SBF2: variants seen among roughly 807,000 people sequenced by gnomAD.
The protein encoded by SBF2 is myotubularin-related protein 13.
Under a neutral mutation model 225.2 loss-of-function variants are expected in SBF2, and 112 were observed. The observed-to-expected ratio is 0.50, with a 90% CI of 0.43 to 0.58. The LOEUF (loss-of-function observed/expected upper bound fraction) is 0.58, where lower values mean the gene tolerates loss of function less well. SBF2 is among the 20% of genes least tolerant of loss of function. The pLI is 0.00. For missense variants in SBF2, 1,996 were observed against 2,206.2 expected (o/e 0.90, Z 1.91); for synonymous variants, 763 against 773.3 (o/e 0.99, Z 0.22).
At position 9,994,519 on chromosome 11, in the gene SBF2, T is replaced by G. The variant is rs67132348; in HGVS notation, c.976-521A>C. Among the ~76,000 whole-genome samples the G allele has an allele frequency of 1.4e-3, 201 of 145,816 alleles. 3 individuals are homozygous for G. Among genetic ancestry groups the G allele is most frequent in the African/African-American group, 4.9e-3 (193 of 39,666 alleles). On this transcript the variant is annotated intron_variant, in intron 9 of 39. Transcript: ENST00000256190. ...AAAACATGTTCTAGAAAAATACACA[T>G]AGTATGGCCTAATTTATTTGAAAAT...
In SBF2 at chr11:9,845,527, G is replaced by C. The variant is rs148447586; in HGVS notation, c.3110+38C>G. 115 of 1,577,016 alleles carry C rather than the reference G, an allele frequency of 7.3e-5. 1 individual carries two copies. The African/African-American group carries it at 1.3e-3, about 17-fold the overall frequency. ...GGTTACTCCTTTTGCAATCAATTAC[G>C]GGAGGGCTGAAATTAACAGACTTGT... On this transcript the variant is annotated intron_variant, in intron 24 of 39. Coordinates refer to ENST00000256190, the MANE Select transcript of SBF2 (RefSeq NM_030962.4).
chr11:9,896,366 T>G (rs1361098818), intron 16 of SBF2, among the ~76,000 whole-genome samples: 1 of 152,202 alleles, frequency 6.6e-6, no homozygotes, highest in East Asian at 1.9e-4. Flanking sequence ...TGGAGGAAGT[T>G]TTAGTATATT....
intron 2 of SBF2, among the ~76,000 whole-genome samples, chr11:10,067,568 C>G (rs1950673494): frequency 6.6e-6 from 1 of 151,658 alleles, no homozygotes; most frequent in South Asian, 2.1e-4. Context: ...AAAAACAAAA[C>G]AAAAAAATGC....
chr11:9,882,098 A>G (rs1279921014), intron 17 of SBF2, among the ~76,000 whole-genome samples: 2 of 152,236 alleles, frequency 1.3e-5, no homozygotes, highest in Non-Finnish European at 2.9e-5. Context: ...GCAATTCGGA[A>G]AACAGTTACT....
chr11:9,818,211 C>T (rs1854561230), intron 28 of SBF2, among the ~76,000 whole-genome samples: 1 of 152,178 alleles, frequency 6.6e-6, no homozygotes, highest in South Asian at 2.1e-4. Flanking sequence ...TCCCAAAGTG[C>T]TGGGATTACA....
chr11:10,033,701 C>T (rs1249090783), intron 3 of SBF2, among the ~76,000 whole-genome samples: 3 of 145,846 alleles, frequency 2.1e-5, no homozygotes, highest in Non-Finnish European at 4.6e-5. Flanking sequence ...ACAAATAAAC[C>T]CCAAATTTAT....
chr11:9,807,920 C>T (rs1853943929), intron 32 of SBF2, 80 bp downstream of exon 32: 4 of 1,268,732 alleles, frequency 3.2e-6, no homozygotes, highest in Non-Finnish European at 3.4e-6. Context: ...GTACCGGGCA[C>T]ACCATCGCAA....
At chr11:10,128,297 A>G (rs1009948851) in intron 2 of SBF2, among the ~76,000 whole-genome samples, 3 of 152,364 alleles carry the variant, frequency 2.0e-5, no homozygotes, top group Admixed American at 1.3e-4. Flanking sequence ...GAGAGCACCT[A>G]AACACAGAAG....
chr11:10,022,751 T>A (rs1948909429), intron 6 of SBF2, among the ~76,000 whole-genome samples: 1 of 152,140 alleles, frequency 6.6e-6, no homozygotes, highest in Non-Finnish European at 1.5e-5. Flanking sequence ...TATTAAAAAG[T>A]TGGATGTCTT....
intron 2 of SBF2, among the ~76,000 whole-genome samples, chr11:10,108,002 T>C (rs956557373): frequency 2.6e-5 from 4 of 152,156 alleles, no homozygotes; most frequent in African/African-American, 7.2e-5. Flanking sequence ...TCTAAGGTGA[T>C]AGATATATCC....
chr11:9,947,437 A>G (rs1190239169), intron 16 of SBF2, among the ~76,000 whole-genome samples: 2 of 152,232 alleles, frequency 1.3e-5, no homozygotes, highest in African/African-American at 4.8e-5. Flanking sequence ...AGCTAACAAG[A>G]CACACTGAGT....
chr11:10,132,678 T>C (rs1379906780), intron 2 of SBF2, among the ~76,000 whole-genome samples: 5 of 148,804 alleles, frequency 3.4e-5, no homozygotes, highest in African/African-American at 1.2e-4. Flanking sequence ...GCAAGATTTA[T>C]TGCAAAGAAC....
chr11:9,800,467 C>T (rs1311878766), intron 32 of SBF2, among the ~76,000 whole-genome samples: 1 of 151,958 alleles, frequency 6.6e-6, no homozygotes, highest in Middle Eastern at 3.4e-3. Context: ...AGTGCAGTGG[C>T]GCAGTCTCGG....
chr11:9,802,639 G>A (rs986627699), intron 32 of SBF2, among the ~76,000 whole-genome samples: 1 of 152,122 alleles, frequency 6.6e-6, no homozygotes, highest in Non-Finnish European at 1.5e-5. Flanking sequence ...GCACTAATTC[G>A]AATTATCTGG....
chr11:9,958,768 C>T (rs1002317869), intron 16 of SBF2: 74 of 476,280 alleles, frequency 1.6e-4, no homozygotes, highest in African/African-American at 9.8e-5. Flanking sequence ...GGCTCAACTC[C>T]GGTTTGAGAA....
At chr11:9,865,660 C>A (rs1239361833) in intron 17 of SBF2, among the ~76,000 whole-genome samples, 1 of 126,258 alleles carries the variant, frequency 7.9e-6, no homozygotes, top group African/African-American at 3.1e-5. Flanking sequence ...CACTGCACTC[C>A]AGCCTGGATG....
At chr11:9,851,134 T>TGAAAAAAAAAAA (rs1856908395) in intron 21 of SBF2, among the ~76,000 whole-genome samples, 1 of 65,288 alleles carries the variant, frequency 1.5e-5, no homozygotes, top group Non-Finnish European at 4.0e-5. Context: ...AGACTCCATC[T>TGAAAAAAAAAAA]CAAAAAAAAA....
At chr11:10,028,841 CTT>C (rs1298589329) in intron 5 of SBF2, among the ~76,000 whole-genome samples, 2 of 152,074 alleles carry the variant, frequency 1.3e-5, no homozygotes, top group Non-Finnish European at 2.9e-5. Context: ...AAGTCAACAA[CTT>C]TAATAAAGGC....
At position 10,037,562 on chromosome 11, in the gene SBF2, A is replaced by ATTT. The variant is rs1949488932; in HGVS notation, c.279+5281_279+5282insAAA. 5.3e-5 allele frequency among the ~76,000 whole-genome samples: 8 copies of ATTT among 152,168 alleles called. No individual in the cohort carries two copies. The South Asian group carries it at 1.0e-3, about 20-fold the overall frequency. On this transcript the variant is annotated intron_variant, in intron 3 of 39. Transcript: ENST00000256190. ...TCACAGTTATTCATAATATTGACAA[A>ATTT]ACAGGAAATACATGTCCATCAGGGG...
Sources: allele counts gnomAD v4.1 joint callset (sites outside exome capture counted in the v4.1 genomes callset), GRCh38; gene constraint gnomAD v4.1.1; transcripts MANE v1.5; gene names NCBI Gene and HGNC (gene_info 2026-07-23, HGNC 2026-07-21).